The following HIRIP3 variants were observed in gnomAD, a reference collection of about 807,000 sequenced individuals.
HIRIP3 encodes the protein HIRA interacting protein 3.
In HIRIP3, 40 loss-of-function variants were observed where a neutral mutation model predicts 50.3. The observed-to-expected ratio is 0.79, with a 90% CI of 0.62 to 1.03. The LOEUF is 1.03. Among genes scored for constraint, HIRIP3 ranks in the 50% least tolerant of loss-of-function variants. The pLI is 0.00. For missense variants in HIRIP3, 765 were observed against 705.4 expected (o/e 1.08, Z -0.96); for synonymous variants, 318 against 261.6 (o/e 1.22, Z -2.08).
chr16:29,995,159 G>A lies in HIRIP3; in HGVS notation c.245C>T (p.Pro82Leu). 1 of 1,614,244 alleles carries A rather than the reference G, an allele frequency of 6.2e-7. No homozygotes were observed. ...CTCCGGGTCGCTACAAGGGGTGGGA[G>A]GCCTCTTGCCCTTCTTGGTAAGGTC... ...KLDLTKKGKR[P>L]PTPCSDPERK... The change falls in exon 3 of 7, where the codon CCT (proline) becomes CTT (leucine). Residue 82 changes from proline (P) to leucine (L), a missense_variant. Pro to Leu is a moderately conservative substitution (Grantham distance 98). Coordinates refer to ENST00000279392, the MANE Select transcript of HIRIP3 (RefSeq NM_003609.5).
In HIRIP3 at chr16:29,993,247, T is replaced by G. The variant is rs372208875; in HGVS notation, c.1631A>C (p.His544Pro). The G allele has an allele frequency of 1.9e-6, 3 of 1,587,470 alleles. No individual in the cohort carries two copies. The highest frequency in any genetic ancestry group is 2.6e-6 in the Non-Finnish European group (3 of 1,166,486). Residue 544 changes from histidine (H) to proline (P), a missense_variant, in exon 7 of 7, where the codon CAT becomes CCT. By Grantham distance (77) the His-to-Pro change is moderately conservative (BLOSUM62 -2). Transcript: ENST00000279392. ...ATCACTGCTGATGATGCCACGCATA[T>G]GTGACCAGTCTGGGGGTGCGGGACG... ...RPRPAPPDWS[H>P]MRGIISSDGE...
At position 29,995,375 on chromosome 16, in the gene HIRIP3, G is replaced by A; in HGVS notation, c.154C>T (p.Arg52Trp). ...TTCAGCAGCTCCTCCTCCACCAGCC[G>A]CTTCAGTGCCTGCTTCTCCTCGGGC... ...LEPEEKQALK[R>W]LVEEELLKMQ... is the part of the protein sequence containing the mutation. Residue 52 changes from arginine to tryptophan, a missense_variant, in exon 2 of 7, where the codon CGG becomes TGG. Physicochemically the swap from Arg to Trp is moderately radical, Grantham distance 101. Transcript: ENST00000279392. The A allele has an allele frequency of 6.2e-7, 1 of 1,613,010 alleles. No individual in the cohort carries two copies. Among genetic ancestry groups the A allele is most frequent in the Non-Finnish European group, 8.5e-7 (1 of 1,179,652 alleles).
At chr16:29,995,777 C>G (rs931477560), upstream of HIRIP3, 9 of 744,996 alleles carry the variant, frequency 1.2e-5, no homozygotes, top group African/African-American at 7.1e-5. Context: ...GACTTGTTTT[C>G]TCTGGGCAGT....
Position 29,994,609 on chromosome 16 carries a change from T to G in HIRIP3, c.536A>C (p.Lys179Thr), listed in dbSNP as rs2070045432. 2.5e-6 allele frequency: 4 copies of G among 1,614,062 alleles called. No individual in the cohort carries two copies. The South Asian group carries it at 3.3e-5, about 13-fold the overall frequency. ...GKTRKKPVVKKQAPGKASVSR... is the reference protein window; with the variant it reads ...GKTRKKPVVKTQAPGKASVSR... ...GACTGAGGCCTTGCCTGGTGCCTGC[T>G]TCTTTACCACAGGTTTCTTCCTAGT... The change falls in exon 4 of 7, where the codon AAG (lysine) becomes ACG (threonine). Residue 179 changes from lysine to threonine, a missense_variant. Physicochemically the swap from Lys to Thr is moderately conservative, Grantham distance 78 (BLOSUM62 -1). Coordinates refer to ENST00000279392, the MANE Select transcript of HIRIP3 (RefSeq NM_003609.5).
In HIRIP3 at chr16:29,994,294, C is replaced by T; in HGVS notation, c.851G>A (p.Arg284Lys). ...RSCKQKSQAK[R>K]LLGDSDSEEE... ...CTCGCTGTCTGAGTCTCCCAAGAGC[C>T]TCTTTGCCTGGCTTTTCTGCTTACA... The change falls in exon 4 of 7, where the codon AGG (arginine) becomes AAG (lysine). Residue 284 changes from arginine to lysine, a missense_variant. Transcript: ENST00000279392. 1 of 1,614,174 alleles carries T rather than the reference C, an allele frequency of 6.2e-7. No individual in the cohort carries two copies. Among genetic ancestry groups the T allele is most frequent in the Non-Finnish European group, 8.5e-7 (1 of 1,180,038 alleles).
At chr16:29,994,949 C>T (rs2070054366) in intron 3 of HIRIP3, 106 bp from the exon 4 acceptor site, 1 of 1,482,162 alleles carries the variant, frequency 6.7e-7, no homozygotes, top group Non-Finnish European at 9.1e-7. Flanking sequence ...GGAGGGGCAG[C>T]AGGAAACAGC....
Position 29,994,752 on chromosome 16 carries a change from A to G in HIRIP3, c.393T>C (p.Asn131=). 6.2e-7 allele frequency: 1 copy of G among 1,613,878 alleles called. No homozygotes were observed. Among genetic ancestry groups the G allele is most frequent in the Non-Finnish European group, 8.5e-7 (1 of 1,179,970 alleles). Residue 131 remains asparagine (N), a synonymous_variant, in exon 4 of 7, where the codon AAT becomes AAC. Coordinates refer to ENST00000279392, the MANE Select transcript of HIRIP3 (RefSeq NM_003609.5). The part of the protein sequence containing the change: ...AAEVSPAKEE[N]PRRASKAVEE... ...CAACTGCCTTTGAGGCTCGCCTTGG[A>G]TTCTCCTCTTTGGCTGGGCTGACTT...
At position 29,994,094 on chromosome 16, in the gene HIRIP3, T is replaced by C. The variant is rs1006591970; in HGVS notation, c.1051A>G (p.Lys351Glu). 1 of 1,613,772 alleles carries C rather than the reference T, an allele frequency of 6.2e-7. No homozygotes were observed. The highest frequency in any genetic ancestry group is 8.5e-7 in the Non-Finnish European group (1 of 1,179,862). ...CTGGTGCTGCCCAGTCTGGCCATCTTTCTAGAGCCTTTAGCTGTGGGTTCC... is the reference window on the plus strand; with the variant it reads ...CTGGTGCTGCCCAGTCTGGCCATCTCTCTAGAGCCTTTAGCTGTGGGTTCC... ...KGEPTAKGSR[K>E]MARLGSTSGE... Residue 351 changes from lysine to glutamate, a missense_variant, in exon 4 of 7, where the codon AAG becomes GAG. Physicochemically the swap from Lys to Glu is moderately conservative, Grantham distance 56. Transcript: ENST00000279392.
upstream of HIRIP3, chr16:29,995,866 C>G (rs1386871872): frequency 3.4e-6 from 2 of 590,696 alleles, no homozygotes; most frequent in East Asian, 5.7e-5. Context: ...TCGGCGCCGG[C>G]ACCCTTTGGG....
chr16:29,994,902 C>T, intron 3 of HIRIP3, 59 bp from the exon 4 acceptor site: 2 of 1,534,828 alleles, frequency 1.3e-6, no homozygotes, highest in Middle Eastern at 1.8e-4. Context: ...TCTCCCTTCA[C>T]TTCGGATAGG....
upstream of HIRIP3, chr16:29,995,828 A>C: frequency 1.6e-6 from 1 of 612,898 alleles, no homozygotes; most frequent in Non-Finnish European, 2.9e-6. Context: ...GGAACGGATC[A>C]TTTTAAAAGT....
In HIRIP3 at chr16:29,993,334, C is replaced by T; in HGVS notation, c.1544G>A (p.Gly515Glu). The change falls in exon 7 of 7, where the codon GGA (glycine) becomes GAA (glutamate). Residue 515 changes from glycine to glutamate, a missense_variant. Gly to Glu is a moderately conservative substitution (Grantham distance 98). Transcript: ENST00000279392. Reference sequence around the variant, plus strand: ...CAGCTCCCCTGGGGGTGCTGCTTCTCCTAAAGGGTTCCAGGCTGTACGTCT... The same window carrying T: ...CAGCTCCCCTGGGGGTGCTGCTTCTTCTAAAGGGTTCCAGGCTGTACGTCT... ...PRRRTAWNPL[G>E]EAAPPGELYR... 1 of 1,542,372 alleles carries T rather than the reference C, an allele frequency of 6.5e-7. No homozygotes were observed. The highest frequency in any genetic ancestry group is 8.8e-7 in the Non-Finnish European group (1 of 1,141,866).
rs2150914105 is a variant in HIRIP3 at position 29,994,191 on chromosome 16, C to T, written c.954G>A (p.Glu318=). ...DREPPVQRKS[E]DRTQLKGGKR... ...TCCCACCCTTAAGCTGGGTCCTGTC[C>T]TCACTCTTCCTCTGCACTGGGGGTT... The change falls in exon 4 of 7, where the codon GAG becomes GAA. Residue 318 remains glutamate (E), a synonymous_variant. Transcript: ENST00000279392. The T allele has an allele frequency of 1.2e-6, 2 of 1,614,092 alleles. No homozygotes were observed. Among genetic ancestry groups the T allele is most frequent in the Non-Finnish European group, 1.7e-6 (2 of 1,179,974 alleles).
rs764000297 is a variant in HIRIP3, at chr16:29,994,201, C to T, written c.944G>A (p.Arg315Lys). The T allele has an allele frequency of 6.2e-7, 1 of 1,614,136 alleles. No individual in the cohort carries two copies. Among genetic ancestry groups the T allele is most frequent in the Non-Finnish European group, 8.5e-7 (1 of 1,180,006 alleles). Residue 315 changes from arginine (R) to lysine (K), a missense_variant, in exon 4 of 7, where the codon AGG (arginine) becomes AAG (lysine). Physicochemically the swap from Arg to Lys is conservative, Grantham distance 26 (BLOSUM62 2). Coordinates refer to ENST00000279392, the MANE Select transcript of HIRIP3 (RefSeq NM_003609.5). ...AAGCTGGGTCCTGTCCTCACTCTTC[C>T]TCTGCACTGGGGGTTCTCTATCTCT... ...SGRDREPPVQRKSEDRTQLKG... is the reference protein window; with the variant it reads ...SGRDREPPVQKKSEDRTQLKG...
chr16:29,993,590 C>G, intron 5 of HIRIP3, 33 bp from the exon 6 acceptor site: 1 of 1,611,810 alleles, frequency 6.2e-7, no homozygotes, highest in Middle Eastern at 1.7e-4. Flanking sequence ...TTCTCTCCTC[C>G]CCAGCAGGAA....
chr16:29,995,678 TCGCGCA>T (rs1463631982), upstream of HIRIP3: 1 of 1,564,786 alleles, frequency 6.4e-7, no homozygotes, highest in African/African-American at 1.4e-5. Flanking sequence ...TGACAGCGGC[TCGCGCA>T]CGCGCAGTGC....
Position 29,995,120 on chromosome 16 carries a change from C to T in HIRIP3, c.284G>A (p.Arg95His). 6.2e-7 allele frequency: 1 copy of T among 1,614,186 alleles called. No homozygotes were observed. Among genetic ancestry groups the T allele is most frequent in the African/African-American group, 1.3e-5 (1 of 75,066 alleles). ...PCSDPERKRFRFNSESESGSE... is the reference protein window; with the variant it reads ...PCSDPERKRFHFNSESESGSE... ...GCACTAACCCGACTCTGAATTGAAG[C>T]GGAACCTTTTTCTCTCCGGGTCGCT... is the stretch of plus-strand genomic sequence containing the variant. Residue 95 changes from arginine to histidine, a missense_variant, in exon 3 of 7, where the codon CGC becomes CAC. By Grantham distance (29) the Arg-to-His change is conservative. Coordinates refer to ENST00000279392, the MANE Select transcript of HIRIP3 (RefSeq NM_003609.5).
chr16:29,995,681 C>T, upstream of HIRIP3: 1 of 1,561,102 alleles, frequency 6.4e-7, no homozygotes, highest in Non-Finnish European at 8.7e-7. Context: ...CAGCGGCTCG[C>T]GCACGCGCAG....
At chr16:29,996,054 T>C (rs1160386026), upstream of HIRIP3, 2 of 595,282 alleles carry the variant, frequency 3.4e-6, no homozygotes, top group African/African-American at 3.7e-5. Flanking sequence ...AACGGCGCTT[T>C]CCAGCGTCCG....
Sources: gnomAD v4.1 joint callset for allele counts on GRCh38, gnomAD v4.1.1 for gene constraint, MANE v1.5 for transcripts, NCBI Gene and HGNC (gene_info 2026-07-23, HGNC 2026-07-21) for gene names.